Variants in ST3GAL6 observed in about 807,000 individuals in gnomAD.
ST3GAL6 encodes type 2 lactosamine alpha-2,3-sialyltransferase.
Under a neutral mutation model 40.5 loss-of-function variants are expected in ST3GAL6, and 31 were observed. That is an observed-to-expected ratio of 0.77 (90% CI 0.58 to 1.03). ST3GAL6 has a LOEUF of 1.03. Ranked by LOEUF, ST3GAL6 falls within the 50% of genes least tolerant of loss-of-function variation. The pLI, the probability that ST3GAL6 is intolerant of heterozygous loss-of-function variation, is 0.00. For missense variants in ST3GAL6, 357 were observed against 393.2 expected (o/e 0.91, Z 0.78); for synonymous variants, 129 against 136.9 (o/e 0.94, Z 0.40).
intron 2 of ST3GAL6, 28 bp downstream of exon 2, chr3:98,768,557 A>G: frequency 6.6e-7 from 1 of 1,522,938 alleles, no homozygotes; most frequent in South Asian, 1.1e-5. Context: ...ATTTAAAAAT[A>G]ACTCTCAACC....
In ST3GAL6 at chr3:98,773,937, G is replaced by C. The variant is rs1939267797; in HGVS notation, c.289G>C (p.Ala97Pro). 6.2e-7 allele frequency: 1 copy of C among 1,613,212 alleles called. No homozygotes were observed. Among genetic ancestry groups the C allele is most frequent in the Non-Finnish European group, 8.5e-7 (1 of 1,179,366 alleles). Reference sequence around the variant, plus strand: ...TTTTCTAGCGGAATATTTTCGACTTGCTCTTTCAAAACTGCAGAGTTGTGA... The same window carrying C: ...TTTTCTAGCGGAATATTTTCGACTTCCTCTTTCAAAACTGCAGAGTTGTGA... ...MRTSAEYFRL[A>P]LSKLQSCDLF... The change falls in exon 5 of 10, where the codon GCT becomes CCT. Residue 97 changes from alanine (A) to proline (P), a missense_variant. Coordinates refer to ENST00000483910, the MANE Select transcript of ST3GAL6 (RefSeq NM_001323368.2).
rs1004600659 is a variant in ST3GAL6, at chr3:98,737,389, A to G, written c.-12+4857A>G. 7.2e-5 allele frequency among the ~76,000 whole-genome samples: 11 copies of G among 152,136 alleles called. 1 individual carries two copies. The highest frequency in any genetic ancestry group is 7.2e-4 in the Admixed American group (11 of 15,280). ...CTGTCTCTCTTTCTCTCTCTCACAC[A>G]CATAAACACACAAATTTCTACCCTT... On this transcript the variant is annotated intron_variant, in intron 1 of 9. Coordinates refer to the ST3GAL6 transcript ENST00000265261.
At chr3:98,762,082 CAGT>C (rs1937842305), upstream of ST3GAL6, among the ~76,000 whole-genome samples, 2 of 46,834 alleles carry the variant, frequency 4.3e-5, no homozygotes, top group African/African-American at 1.7e-4. Context: ...GTGCTAAGGA[CAGT>C]GAAAGCACTG....
At chr3:98,746,469 C>T (rs828596) in intron 1 of ST3GAL6, among the ~76,000 whole-genome samples, 1 of 151,634 alleles carries the variant, frequency 6.6e-6, no homozygotes, top group Non-Finnish European at 1.5e-5. Flanking sequence ...TTTTCTTCTC[C>T]CCTCTGCCCC....
Position 98,763,355 on chromosome 3 carries a change from C to T in ST3GAL6, c.-96C>T. The T allele has an allele frequency of 1.6e-6, 2 of 1,289,784 alleles. No individual in the cohort carries two copies. Among genetic ancestry groups the T allele is most frequent in the Non-Finnish European group, 2.0e-6 (2 of 988,848 alleles). 79.9% of individuals were successfully genotyped at this position (1,289,784 alleles called of 1,614,324 possible). A position where few individuals can be genotyped will look rare whatever the true frequency, so the allele number is the denominator to read the frequency against. On this transcript the variant is annotated 5_prime_UTR_variant, in exon 1 of 10. Transcript: ENST00000483910. Reference sequence around the variant, plus strand: ...AGTGTATGTCAGTGTGAGCTGAAGACCAGCAGAGACTAGGATGGATGACGG... The same window carrying T: ...AGTGTATGTCAGTGTGAGCTGAAGATCAGCAGAGACTAGGATGGATGACGG...
Position 98,788,138 on chromosome 3 carries a change from T to C in ST3GAL6, c.534T>C (p.Asn178=), listed in dbSNP as rs970645637. ...CTGTTTTTTCAGATCCTATTCACAA[T>C]GACCCTAATACGACAGTGATTCTCA... ...PESVFSDPIH[N]DPNTTVILTA... Residue 178 remains asparagine (N), a synonymous_variant, in exon 7 of 10, where the codon AAT becomes AAC. Coordinates refer to ENST00000483910, the MANE Select transcript of ST3GAL6 (RefSeq NM_001323368.2). 2 of 1,613,954 alleles carry C rather than the reference T, an allele frequency of 1.2e-6. No individual in the cohort carries two copies. Among genetic ancestry groups the C allele is most frequent in the African/African-American group, 1.3e-5 (1 of 74,948 alleles).
intron 9 of ST3GAL6, among the ~76,000 whole-genome samples, chr3:98,793,093 G>A (rs1941345461): frequency 6.6e-6 from 1 of 152,064 alleles, no homozygotes; most frequent in Non-Finnish European, 1.5e-5. Context: ...GGTAAGACAA[G>A]CACTTAAGTA....
intron 1 of ST3GAL6, among the ~76,000 whole-genome samples, chr3:98,756,167 G>T (rs1452933771): frequency 6.6e-6 from 1 of 152,156 alleles, no homozygotes; most frequent in Non-Finnish European, 1.5e-5. Context: ...CTGAAAGGCA[G>T]GCAATAATGT....
chr3:98,763,645 G>C (rs1030651565), intron 1 of ST3GAL6, among the ~76,000 whole-genome samples: 3 of 151,376 alleles, frequency 2.0e-5, no homozygotes, highest in African/African-American at 7.3e-5. Context: ...GTAGTAGAAA[G>C]AGTAGTATGT....
chr3:98,732,646 A>G (rs1296877249), intron 1 of ST3GAL6: 2 of 497,620 alleles, frequency 4.0e-6, no homozygotes, highest in South Asian at 3.0e-5. Flanking sequence ...CCACCGTGCA[A>G]CTGGCGCCAG....
chr3:98,752,831 A>G (rs949981475), intron 1 of ST3GAL6, among the ~76,000 whole-genome samples: 1 of 152,206 alleles, frequency 6.6e-6, no homozygotes, highest in South Asian at 2.1e-4. Context: ...CTACACCACT[A>G]TAAGACAGTC....
rs375062545 is a variant in ST3GAL6 at position 98,785,064 on chromosome 3, C to T, written c.431+24C>T. On this transcript the variant is annotated intron_variant, in intron 6 of 9. Coordinates refer to ENST00000483910, the MANE Select transcript of ST3GAL6 (RefSeq NM_001323368.2). Reference sequence around the variant, plus strand: ...AGGTAAATATATTTTCTATTTGCTACCCTAGAATTGTTTCAAAAGAATATG... The same window carrying T: ...AGGTAAATATATTTTCTATTTGCTATCCTAGAATTGTTTCAAAAGAATATG... 6.0e-6 allele frequency: 9 copies of T among 1,491,304 alleles called. No individual in the cohort carries two copies. The African/African-American group carries it at 9.7e-5, about 16-fold the overall frequency. The allele number at this position is 1,491,304 out of a possible 1,614,324, so 92.4% of individuals were successfully genotyped here. A position where few individuals can be genotyped will look rare whatever the true frequency, so the allele number is the denominator to read the frequency against.
At chr3:98,775,838 T>C (rs778818084) in intron 5 of ST3GAL6, among the ~76,000 whole-genome samples, 5 of 151,968 alleles carry the variant, frequency 3.3e-5, no homozygotes, top group Non-Finnish European at 7.4e-5. Flanking sequence ...AGAAGTAGAG[T>C]GTAGCTGGTG....
At chr3:98,734,004 T>G (rs1015065165) in intron 1 of ST3GAL6, among the ~76,000 whole-genome samples, 2 of 152,142 alleles carry the variant, frequency 1.3e-5, no homozygotes, top group African/African-American at 4.8e-5. Flanking sequence ...GGTGGATAGT[T>G]AAGGAAACTG....
intron 6 of ST3GAL6, 107 bp from the exon 7 acceptor site, chr3:98,787,929 A>G: frequency 6.5e-6 from 6 of 924,068 alleles, no homozygotes; most frequent in African/African-American, 1.7e-5. Context: ...TTCAGAGCAC[A>G]GGATAAAAGG....
chr3:98,771,161 C>G (rs1938945902), intron 3 of ST3GAL6: 3 of 1,484,108 alleles, frequency 2.0e-6, no homozygotes, highest in Non-Finnish European at 2.7e-6. Flanking sequence ...CATTGAGGAA[C>G]TCAATCAAAC....
At chr3:98,792,599 C>T (rs1414552934) in intron 9 of ST3GAL6, among the ~76,000 whole-genome samples, 3 of 150,800 alleles carry the variant, frequency 2.0e-5, no homozygotes, top group Non-Finnish European at 4.4e-5. Context: ...CTGCACCCCG[C>T]AGGTTGAAGT....
chr3:98,770,764 G>A, intron 2 of ST3GAL6, 115 bp from the exon 3 acceptor site: 1 of 841,242 alleles, frequency 1.2e-6, no homozygotes, highest in Non-Finnish European at 2.0e-6. Flanking sequence ...GAGTATTTTT[G>A]TTTGCTGCCA....
intron 4 of ST3GAL6, 26 bp from the exon 5 acceptor site, chr3:98,773,894 T>G: frequency 1.2e-6 from 2 of 1,601,124 alleles, no homozygotes; most frequent in South Asian, 2.2e-5. Flanking sequence ...TATCCTTTTA[T>G]TCATAACACT....
Sources: gnomAD v4.1 joint callset for allele counts (sites outside exome capture counted in the v4.1 genomes callset) on GRCh38, gnomAD v4.1.1 for gene constraint, MANE v1.5 for transcripts, NCBI Gene and HGNC (gene_info 2026-07-23, HGNC 2026-07-21) for gene names.